Variants in SOX5 observed in about 807,000 individuals in gnomAD.
SOX5 encodes SRY-box transcription factor 5, also known as transcription factor SOX-5.
In SOX5, 9 loss-of-function variants were observed where a neutral mutation model predicts 92.0. The ratio of observed to expected loss-of-function variants is 0.10; its 90% confidence interval spans 0.06 to 0.17. SOX5 has a LOEUF of 0.17. Among genes scored for constraint, SOX5 ranks in the 10% least tolerant of loss-of-function variants. SOX5 has a pLI of 1.00. For missense variants in SOX5, 642 were observed against 944.5 expected (o/e 0.68, Z 4.20); for synonymous variants, 344 against 336.3 (o/e 1.02, Z -0.25).
chr12:24,191,976 T>C (rs767777223), intron 4 of SOX5, among the ~76,000 whole-genome samples: 21 of 152,206 alleles, frequency 1.4e-4, no homozygotes, highest in Admixed American at 5.2e-4. Context: ...TAATTAAGGA[T>C]TATATGTAAA....
intron 6 of SOX5, among the ~76,000 whole-genome samples, chr12:23,734,036 T>C (rs1435578780): frequency 6.6e-6 from 1 of 152,214 alleles, no homozygotes. Context: ...AGCTGAACTT[T>C]TGTCAAAGTT....
At chr12:24,289,242 C>T (rs1287998102) in intron 2 of SOX5, among the ~76,000 whole-genome samples, 1 of 151,580 alleles carries the variant, frequency 6.6e-6, no homozygotes, top group Non-Finnish European at 1.5e-5. Context: ...GATCGCATCA[C>T]TGTACTCCAG....
At chr12:23,923,297 G>GAATC (rs1555429728) in intron 1 of SOX5, among the ~76,000 whole-genome samples, 2 of 129,376 alleles carry the variant, frequency 1.5e-5, no homozygotes, top group African/African-American at 3.5e-5. Context: ...AAAAATAAAT[G>GAATC]AATGAATGAA....
At chr12:24,337,849 T>C (rs1451233875) in intron 2 of SOX5, among the ~76,000 whole-genome samples, 1 of 152,168 alleles carries the variant, frequency 6.6e-6, no homozygotes, top group African/African-American at 2.4e-5. Context: ...GGTCACACAA[T>C]ACGAAAACTG....
intron 1 of SOX5, among the ~76,000 whole-genome samples, chr12:24,511,854 AG>A (rs1335880041): frequency 6.6e-6 from 1 of 151,458 alleles, no homozygotes; most frequent in Non-Finnish European, 1.5e-5. Context: ...GCTACTCGGG[AG>A]GCTGAGGCAG....
At chr12:24,142,239 C>A (rs12425433) in intron 4 of SOX5, among the ~76,000 whole-genome samples, 1 of 151,992 alleles carries the variant, frequency 6.6e-6, no homozygotes, top group African/African-American at 2.4e-5. Flanking sequence ...AAGCAGCACT[C>A]CCGCTTCTCC....
At chr12:23,930,025 C>A (rs1171406155) in intron 1 of SOX5, among the ~76,000 whole-genome samples, 1 of 151,822 alleles carries the variant, frequency 6.6e-6, no homozygotes, top group Non-Finnish European at 1.5e-5. Context: ...ACATCTTTTT[C>A]CAATTCAAAC....
At chr12:24,463,814 T>G (rs1445617493) in intron 1 of SOX5, among the ~76,000 whole-genome samples, 11 of 152,220 alleles carry the variant, frequency 7.2e-5, no homozygotes, top group Non-Finnish European at 1.5e-5. Flanking sequence ...TGGTCAGACG[T>G]AATTTTTTAT....
At chr12:24,502,395 C>CA (rs1948299458) in intron 1 of SOX5, among the ~76,000 whole-genome samples, 1 of 151,686 alleles carries the variant, frequency 6.6e-6, no homozygotes, top group Non-Finnish European at 1.5e-5. Flanking sequence ...ACAATTTGAT[C>CA]AAAAAAATAT....
chr12:24,283,596 A>G (rs891510268), intron 2 of SOX5, among the ~76,000 whole-genome samples: 1 of 152,212 alleles, frequency 6.6e-6, no homozygotes, highest in Non-Finnish European at 1.5e-5. Context: ...CGTCTTTTTA[A>G]GAACCAAGAA....
intron 4 of SOX5, among the ~76,000 whole-genome samples, chr12:23,988,118 C>T (rs985504847): frequency 6.6e-6 from 1 of 152,104 alleles, no homozygotes; most frequent in Non-Finnish European, 1.5e-5. Context: ...AATAATGACT[C>T]ACAAATTTTT....
intron 4 of SOX5, among the ~76,000 whole-genome samples, chr12:24,001,117 G>T (rs767616962): frequency 2.0e-5 from 3 of 152,100 alleles, no homozygotes; most frequent in Admixed American, 1.3e-4. Context: ...TTGAGACAGG[G>T]TCTTGCTCTG....
intron 6 of SOX5, among the ~76,000 whole-genome samples, chr12:23,707,660 C>G (rs2091568870): frequency 6.6e-6 from 1 of 152,038 alleles, no homozygotes; most frequent in African/African-American, 2.4e-5. Flanking sequence ...CTTTTATAAA[C>G]CTAAAATTAA....
chr12:23,755,850 A>G, intron 3 of SOX5, 126 bp from the exon 4 acceptor site: 2 of 562,890 alleles, frequency 3.6e-6, no homozygotes, highest in South Asian at 5.1e-5. Context: ...GGCTTCATCA[A>G]AAAACTGATA....
At chr12:23,866,292 T>TTTGGGCTA (rs2096813048) in intron 2 of SOX5, among the ~76,000 whole-genome samples, 2 of 152,176 alleles carry the variant, frequency 1.3e-5, no homozygotes, top group African/African-American at 4.8e-5. Flanking sequence ...TGAAAAAAGA[T>TTTGGGCTA]TCTAATATAT....
At chr12:24,421,524 G>A (rs184174020) in intron 1 of SOX5, among the ~76,000 whole-genome samples, 4 of 151,920 alleles carry the variant, frequency 2.6e-5, no homozygotes, top group Admixed American at 2.6e-4. Context: ...AAAATATTAG[G>A]GACATCCTTT....
chr12:24,031,443 A>G (rs1485040750), intron 4 of SOX5, among the ~76,000 whole-genome samples: 1 of 151,904 alleles, frequency 6.6e-6, no homozygotes, highest in African/African-American at 2.4e-5. Flanking sequence ...AAAGACAAAT[A>G]CTGTATGTTC....
chr12:23,582,237 C>T, intron 9 of SOX5: 1 of 985,048 alleles, frequency 1.0e-6, no homozygotes, highest in Admixed American at 6.2e-5. Context: ...CCCTCTTTCA[C>T]CTCTCCTACC....
intron 3 of SOX5, among the ~76,000 whole-genome samples, chr12:23,795,706 T>C (rs1294608730): frequency 6.6e-6 from 1 of 152,156 alleles, no homozygotes; most frequent in Admixed American, 6.6e-5. Context: ...GCCTTTGCTG[T>C]GTATCAGTTA....
Sources: gnomAD v4.1 joint callset for allele counts (sites outside exome capture counted in the v4.1 genomes callset) on GRCh38, gnomAD v4.1.1 for gene constraint, MANE v1.5 for transcripts, NCBI Gene and HGNC (gene_info 2026-07-23, HGNC 2026-07-21) for gene names.